Variants in FARS2 observed in about 807,000 individuals in gnomAD.
FARS2 encodes phenylalanine--tRNA ligase, mitochondrial.
FARS2 carries 40 observed loss-of-function variants against 46.4 expected under a neutral mutation model. The observed-to-expected ratio is 0.86, with a 90% CI of 0.67 to 1.12. The LOEUF is 1.12. Ranked by LOEUF, FARS2 falls within the 50% of genes most tolerant of loss-of-function variation. The pLI is 0.00. For missense variants in FARS2, 513 were observed against 567.9 expected, an observed-to-expected ratio of 0.90 and a Z score of 0.98; for synonymous variants, 234 against 214.9, an observed-to-expected ratio of 1.09 and a Z score of -0.78.
intron 1 of FARS2, among the ~76,000 whole-genome samples, chr6:5,277,906 A>G (rs1030047921): frequency 6.6e-6 from 1 of 152,194 alleles, no homozygotes; most frequent in African/African-American, 2.4e-5. Context: ...CATTTTGGGT[A>G]TCCTGACTTC....
intron 6 of FARS2, among the ~76,000 whole-genome samples, chr6:5,627,048 C>T (rs1008081254): frequency 3.3e-5 from 5 of 152,200 alleles, no homozygotes; most frequent in African/African-American, 1.2e-4. Flanking sequence ...TAGGTTTGTT[C>T]ACACCGCATC....
chr6:5,363,197 A>T (rs1758429772), intron 1 of FARS2, among the ~76,000 whole-genome samples: 1 of 151,902 alleles, frequency 6.6e-6, no homozygotes. Flanking sequence ...AAGTGCTGGG[A>T]TTACAGGCAT....
At chr6:5,371,522 A>C (rs563741991) in intron 2 of FARS2, among the ~76,000 whole-genome samples, 1 of 152,334 alleles carries the variant, frequency 6.6e-6, no homozygotes, top group South Asian at 2.1e-4. Flanking sequence ...ACACTTAGCT[A>C]TTAATTGTGG....
chr6:5,466,737 G>C (rs558951460), intron 4 of FARS2: 1 of 979,524 alleles, frequency 1.0e-6, no homozygotes, highest in Non-Finnish European at 1.2e-6. Flanking sequence ...ATGCAAGGCT[G>C]TGTGTGGTGC....
At chr6:5,690,242 G>A (rs997735826) in intron 6 of FARS2, among the ~76,000 whole-genome samples, 2 of 152,198 alleles carry the variant, frequency 1.3e-5, no homozygotes, top group Non-Finnish European at 2.9e-5. Context: ...CTGTCATTAT[G>A]ATGTTAGCTG....
intron 3 of FARS2, among the ~76,000 whole-genome samples, chr6:5,429,068 A>T (rs182055749): frequency 5.0e-4 from 76 of 152,286 alleles, no homozygotes; most frequent in Middle Eastern, 3.4e-3. Flanking sequence ...TTGCCTACAG[A>T]TGTGGGGGGT....
rs574765333 is a variant in FARS2, at chr6:5,697,930, G to A, written c.1218-73361G>A. The stretch of plus-strand genomic sequence containing the variant: ...ATCCAATATTATTTCAATTTTCTTC[G>A]CAGCAGATTGTGTCATGCTCTTTAG... On this transcript the variant is annotated intron_variant, in intron 6 of 6. Transcript: ENST00000274680. Among the ~76,000 whole-genome samples the A allele has an allele frequency of 5.9e-5, 9 of 152,020 alleles. No individual in the cohort carries two copies. In the South Asian group the frequency reaches 6.2e-4, roughly 11 times the overall value.
intron 6 of FARS2, among the ~76,000 whole-genome samples, chr6:5,689,449 G>A (rs1392545427): frequency 3.7e-4 from 56 of 152,116 alleles, no homozygotes; most frequent in Non-Finnish European, 6.5e-4. Flanking sequence ...CCTTCATTTC[G>A]TTATGTCCCC....
intron 1 of FARS2, among the ~76,000 whole-genome samples, chr6:5,364,268 A>G (rs1758505693): frequency 6.6e-6 from 1 of 152,178 alleles, no homozygotes; most frequent in African/African-American, 2.4e-5. Context: ...TCTCTGTTTT[A>G]CAGATGAGAA....
At chr6:5,672,552 G>A (rs1223804410) in intron 6 of FARS2, among the ~76,000 whole-genome samples, 51 of 152,242 alleles carry the variant, frequency 3.3e-4, no homozygotes, top group Non-Finnish European at 1.6e-4. Context: ...TTCAGGGGCA[G>A]GTTAACTTTT....
chr6:5,273,317 C>T (rs142223101), intron 1 of FARS2, among the ~76,000 whole-genome samples: 1 of 152,172 alleles, frequency 6.6e-6, no homozygotes, highest in African/African-American at 2.4e-5. Flanking sequence ...TTCTCCACAT[C>T]TGTGCCGGCA....
At chr6:5,568,080 T>G (rs1772421789) in intron 5 of FARS2, among the ~76,000 whole-genome samples, 1 of 152,224 alleles carries the variant, frequency 6.6e-6, no homozygotes, top group South Asian at 2.1e-4. Flanking sequence ...ATGTGAACAG[T>G]GCAGAGTGCA....
chr6:5,482,970 C>T (rs946243538), intron 4 of FARS2, among the ~76,000 whole-genome samples: 1 of 152,178 alleles, frequency 6.6e-6, no homozygotes, highest in African/African-American at 2.4e-5. Context: ...CTCTGACTGA[C>T]CACTGCTGCC....
At chr6:5,696,040 A>G (rs1758085892) in intron 6 of FARS2, among the ~76,000 whole-genome samples, 1 of 152,240 alleles carries the variant, frequency 6.6e-6, no homozygotes, top group Non-Finnish European at 1.5e-5. Context: ...AGGTTTGACA[A>G]AGATTTTAGA....
intron 1 of FARS2, among the ~76,000 whole-genome samples, chr6:5,367,243 GA>G (rs1230255769): frequency 6.6e-6 from 1 of 152,236 alleles, no homozygotes; most frequent in African/African-American, 2.4e-5. Context: ...TTCATATCAT[GA>G]AGTTACATAT....
chr6:5,322,360 T>A (rs913473564), intron 1 of FARS2, among the ~76,000 whole-genome samples: 1 of 152,242 alleles, frequency 6.6e-6, no homozygotes, highest in Non-Finnish European at 1.5e-5. Flanking sequence ...AACAAATTCA[T>A]GTTTGCCAAC....
At chr6:5,367,601 G>A (rs1268870684) in intron 1 of FARS2, among the ~76,000 whole-genome samples, 3 of 151,550 alleles carry the variant, frequency 2.0e-5, no homozygotes, top group African/African-American at 7.3e-5. Flanking sequence ...GCCTATACTA[G>A]ATGACAGCTG....
chr6:5,516,819 C>T (rs866914294), intron 4 of FARS2, among the ~76,000 whole-genome samples: 1 of 152,110 alleles, frequency 6.6e-6, no homozygotes, highest in African/African-American at 2.4e-5. Flanking sequence ...ACTCAGGAAC[C>T]CCCCCAATTT....
intron 5 of FARS2, among the ~76,000 whole-genome samples, chr6:5,603,057 C>T (rs940069149): frequency 6.6e-6 from 1 of 152,020 alleles, no homozygotes; most frequent in Non-Finnish European, 1.5e-5. Flanking sequence ...AAGGCCTGAC[C>T]GATTTCGGCT....
Sources: allele counts gnomAD v4.1 joint callset (sites outside exome capture counted in the v4.1 genomes callset), GRCh38; gene constraint gnomAD v4.1.1; transcripts MANE v1.5; gene names NCBI Gene and HGNC (gene_info 2026-07-23, HGNC 2026-07-21).